Variants in GALK2 observed in about 807,000 individuals in gnomAD.
GALK2 encodes galactokinase 2.
GALK2 carries 36 observed loss-of-function variants against 52.4 expected under a neutral mutation model. The observed-to-expected ratio is 0.69, with a 90% confidence interval of 0.53 to 0.91. The LOEUF (loss-of-function observed/expected upper bound fraction) is 0.91. GALK2 is among the 40% of genes least tolerant of loss of function. The pLI, the probability that GALK2 is intolerant of heterozygous loss-of-function variation, is 0.00. For missense variants in GALK2, 579 were observed against 559.1 expected, an observed-to-expected ratio of 1.04 and a Z score of -0.36; for synonymous variants, 176 against 199.1, an observed-to-expected ratio of 0.88 and a Z score of 0.98.
intron 8 of GALK2, chr15:49,319,244 G>A (rs970071831): frequency 2.0e-5 from 7 of 350,534 alleles, no homozygotes; most frequent in East Asian, 7.6e-5. Flanking sequence ...GTGAGCTACC[G>A]CGCCTGGCCT....
At position 49,329,829 on chromosome 15, in the gene GALK2, CT is replaced by C. The variant is rs2038277752; in HGVS notation, c.*1671del. ...TGTAAAAAAAAAAAAAAAAAGGCAC[CT>C]GTCATTGTTTTGCTGTTCCATTTAC... On this transcript the variant is annotated 3_prime_UTR_variant, in exon 10 of 10. Transcript: ENST00000560031. 6.4e-6 allele frequency: 4 copies of C among 620,920 alleles called. No homozygotes were observed. Among genetic ancestry groups the C allele is most frequent in the African/African-American group, 2.0e-5 (1 of 49,262 alleles). The allele number at this position is 620,920 out of a possible 1,614,324, so 38.5% of individuals were successfully genotyped here. A position where few individuals can be genotyped will look rare whatever the true frequency, so the allele number is the denominator to read the frequency against.
At chr15:49,181,360 C>T (rs960522200) in intron 1 of GALK2, among the ~76,000 whole-genome samples, 1 of 151,788 alleles carries the variant, frequency 6.6e-6, no homozygotes, top group Admixed American at 6.6e-5. Context: ...CTGCCTTGGC[C>T]TCCCAAAGTG....
chr15:49,219,878 C>T (rs1336739100), intron 3 of GALK2, among the ~76,000 whole-genome samples: 1 of 152,094 alleles, frequency 6.6e-6, no homozygotes, highest in Non-Finnish European at 1.5e-5. Context: ...GTGTTACTAA[C>T]ATGTCTTAAA....
intron 2 of GALK2, among the ~76,000 whole-genome samples, chr15:49,212,569 C>G (rs1468557965): frequency 6.6e-6 from 1 of 151,900 alleles, no homozygotes; most frequent in African/African-American, 2.4e-5. Flanking sequence ...TTTTGCCTTT[C>G]TCATTTGTTA....
chr15:49,239,183 T>C (rs2090977568), intron 4 of GALK2, 38 bp from the exon 5 acceptor site: 3 of 1,591,488 alleles, frequency 1.9e-6, no homozygotes, highest in Non-Finnish European at 2.6e-6. Flanking sequence ...TTGAATTCAA[T>C]ACTGAATTAC....
intron 5 of GALK2, among the ~76,000 whole-genome samples, chr15:49,257,134 T>C (rs2091846134): frequency 6.6e-6 from 1 of 152,194 alleles, no homozygotes; most frequent in South Asian, 2.1e-4. Context: ...TCTGCCACAC[T>C]GGCTGGTGAC....
intron 8 of GALK2, among the ~76,000 whole-genome samples, chr15:49,299,275 C>T (rs1300259946): frequency 6.6e-6 from 1 of 152,004 alleles, no homozygotes; most frequent in Non-Finnish European, 1.5e-5. Flanking sequence ...TGGATCTTCT[C>T]CCTTTTTTCT....
intron 5 of GALK2, among the ~76,000 whole-genome samples, chr15:49,240,799 A>G (rs116113129): frequency 0.017 from 2,633 of 152,260 alleles, 96 homozygotes; most frequent in African/African-American, 0.061. Flanking sequence ...AACTTTGTTA[A>G]GGAATTTAGG....
intron 8 of GALK2, 55 bp downstream of exon 8, chr15:49,292,592 G>T (rs1035662141): frequency 2.8e-6 from 4 of 1,423,564 alleles, no homozygotes; most frequent in Non-Finnish European, 3.9e-6. Context: ...ACAGCTGGAA[G>T]GTTTCAATTT....
intron 5 of GALK2, among the ~76,000 whole-genome samples, chr15:49,252,464 C>A (rs2091651596): frequency 6.6e-6 from 1 of 152,076 alleles, no homozygotes; most frequent in East Asian, 1.9e-4. Context: ...TGGTAATGTT[C>A]TAAAATTGGC....
At chr15:49,252,071 C>G (rs924405254) in intron 5 of GALK2, among the ~76,000 whole-genome samples, 5 of 151,922 alleles carry the variant, frequency 3.3e-5, no homozygotes, top group Non-Finnish European at 5.9e-5. Context: ...TTTGAGACCA[C>G]CCTGGCCAAC....
At chr15:49,251,131 A>C (rs1359925403) in intron 5 of GALK2, among the ~76,000 whole-genome samples, 2 of 152,348 alleles carry the variant, frequency 1.3e-5, no homozygotes, top group East Asian at 3.9e-4. Context: ...CATCACAAGA[A>C]AAGAGAATTA....
intron 5 of GALK2, among the ~76,000 whole-genome samples, chr15:49,260,886 G>C (rs2092072803): frequency 6.6e-6 from 1 of 152,168 alleles, no homozygotes; most frequent in Admixed American, 6.5e-5. Flanking sequence ...TAGATATGTG[G>C]TGTTATTTCT....
At chr15:49,258,104 A>G (rs1044604805) in intron 5 of GALK2, among the ~76,000 whole-genome samples, 4 of 152,068 alleles carry the variant, frequency 2.6e-5, no homozygotes, top group East Asian at 1.9e-4. Flanking sequence ...AAGAGACTAC[A>G]TTTAGCTCAT....
intron 8 of GALK2, among the ~76,000 whole-genome samples, chr15:49,300,157 A>C (rs983329857): frequency 1.3e-5 from 2 of 152,082 alleles, no homozygotes; most frequent in Admixed American, 1.3e-4. Context: ...CAGTTAAGTC[A>C]TCTTGCTGAA....
intron 1 of GALK2, among the ~76,000 whole-genome samples, chr15:49,200,655 C>G (rs1336129422): frequency 6.6e-6 from 1 of 152,174 alleles, no homozygotes; most frequent in African/African-American, 2.4e-5. Flanking sequence ...TCCTCTACAG[C>G]TTTCAGAGGT....
chr15:49,293,175 T>C (rs2034115157), intron 8 of GALK2, among the ~76,000 whole-genome samples: 1 of 151,996 alleles, frequency 6.6e-6, no homozygotes, highest in African/African-American at 2.4e-5. Context: ...GGGGGATGAG[T>C]AGGAGATTAA....
chr15:49,240,311 G>A (rs1307830356), intron 5 of GALK2, among the ~76,000 whole-genome samples: 1 of 152,062 alleles, frequency 6.6e-6, no homozygotes, highest in Non-Finnish European at 1.5e-5. Flanking sequence ...GTTTCCCCTG[G>A]TACAATTTTC....
chr15:49,314,461 G>C (rs1404152213), intron 8 of GALK2, among the ~76,000 whole-genome samples: 2 of 152,180 alleles, frequency 1.3e-5, no homozygotes, highest in African/African-American at 2.4e-5. Flanking sequence ...ATGCTAGTGA[G>C]TATAAATTGT....
Sources: allele counts gnomAD v4.1 joint callset (sites outside exome capture counted in the v4.1 genomes callset), GRCh38; gene constraint gnomAD v4.1.1; transcripts MANE v1.5; gene names NCBI Gene and HGNC (gene_info 2026-07-23, HGNC 2026-07-21).